Variants in SUGCT observed in about 807,000 individuals in gnomAD.
SUGCT encodes the protein succinyl-CoA:glutarate CoA-transferase.
Under a neutral mutation model 55.0 loss-of-function variants are expected in SUGCT, and 41 were observed. The ratio of observed to expected loss-of-function variants is 0.74; its 90% CI spans 0.58 to 0.97. The LOEUF (loss-of-function observed/expected upper bound fraction) is 0.97. Among genes scored for constraint, SUGCT ranks in the 50% least tolerant of loss-of-function variants. SUGCT has a pLI of 0.00. For synonymous variants in SUGCT, 187 were observed against 200.4 expected (o/e 0.93, Z 0.56); for missense variants, 568 against 547.8 (o/e 1.04, Z -0.37).
chr7:40,684,110 C>A (rs1784367350), intron 12 of SUGCT: 1 of 1,610,652 alleles, frequency 6.2e-7, no homozygotes, highest in Non-Finnish European at 8.5e-7. Flanking sequence ...TGGCCCCTTC[C>A]TTCATCTTCA....
intron 12 of SUGCT, among the ~76,000 whole-genome samples, chr7:40,548,221 T>TTTTATTGTCCAG (rs1795110196): frequency 1.4e-5 from 2 of 145,400 alleles, no homozygotes; most frequent in Non-Finnish European, 3.0e-5. Flanking sequence ...TTAGGTCTCA[T>TTTTATTGTCCAG]TTTATTGTCC....
At chr7:40,772,097 C>G (rs1348727913) in intron 13 of SUGCT, among the ~76,000 whole-genome samples, 1 of 152,158 alleles carries the variant, frequency 6.6e-6, no homozygotes, top group Non-Finnish European at 1.5e-5. Context: ...AAGGAGTAAG[C>G]CAGCTTGCAG....
chr7:40,168,446 C>A (rs920541894), intron 1 of SUGCT, among the ~76,000 whole-genome samples: 6 of 152,162 alleles, frequency 3.9e-5, no homozygotes, highest in African/African-American at 1.2e-4. Context: ...ATTTGAAGAA[C>A]AATTTGTAGT....
intron 9 of SUGCT, among the ~76,000 whole-genome samples, chr7:40,337,997 T>C (rs988231902): frequency 6.6e-6 from 1 of 152,202 alleles, no homozygotes; most frequent in African/African-American, 2.4e-5. Flanking sequence ...TTATTTCTCC[T>C]TCACTTATGA....
In SUGCT at chr7:40,827,231, A is replaced by G. The variant is rs1200946941; in HGVS notation, c.1154-33085A>G. On this transcript the variant is annotated intron_variant, in intron 13 of 13. Transcript: ENST00000335693. ...ACTCAGACCGCTGGGTCAAATGAAA[A>G]CCCATAGTGCAAATGGCAAAGGATC... is the stretch of plus-strand genomic sequence containing the variant. 3.9e-5 allele frequency among the ~76,000 whole-genome samples: 6 copies of G among 152,032 alleles called. No individual in the cohort carries two copies. In the East Asian group the frequency reaches 1.2e-3, roughly 29 times the overall value.
chr7:40,187,175 T>A lies in SUGCT; in HGVS notation c.227-1320T>A, dbSNP rs373320296. On this transcript the variant is annotated intron_variant, in intron 3 of 13. Coordinates refer to ENST00000335693, the MANE Select transcript of SUGCT (RefSeq NM_001193313.2). ...CTGGAAACCATCATTCTCAGCAAAC[T>A]ATCACAAGGACAAAAAACCAAACAC... Among the ~76,000 whole-genome samples the A allele has an allele frequency of 3.9e-3, 594 of 152,222 alleles. 8 individuals are homozygous for A. The highest frequency in any genetic ancestry group is 0.017 in the South Asian group (84 of 4,828).
chr7:40,532,726 G>A (rs1038399149), intron 12 of SUGCT, among the ~76,000 whole-genome samples: 2 of 151,976 alleles, frequency 1.3e-5, no homozygotes, highest in African/African-American at 2.4e-5. Context: ...AATATTAAGA[G>A]GGGATGTTCA....
In SUGCT at chr7:40,303,696, G is replaced by A. The variant is rs1316957281; in HGVS notation, c.721-13064G>A. Reference sequence around the variant, plus strand: ...CCATACCTTACAAAGACCTGTGCAAGTTAGCTTATTGCCTTGTGAGAAAGG... The same window carrying A: ...CCATACCTTACAAAGACCTGTGCAAATTAGCTTATTGCCTTGTGAGAAAGG... On this transcript the variant is annotated intron_variant, in intron 8 of 13. Coordinates refer to ENST00000335693, the MANE Select transcript of SUGCT (RefSeq NM_001193313.2). Among the ~76,000 whole-genome samples the A allele has an allele frequency of 8.5e-5, 13 of 152,156 alleles. 1 individual carries two copies. Among genetic ancestry groups the A allele is most frequent in the Non-Finnish European group, 1.6e-4 (11 of 68,028 alleles).
At chr7:40,157,378 G>C (rs1387586650) in intron 1 of SUGCT, among the ~76,000 whole-genome samples, 2 of 152,198 alleles carry the variant, frequency 1.3e-5, no homozygotes, top group Non-Finnish European at 2.9e-5. Flanking sequence ...TTCTTCTCCT[G>C]TGGTTCAACC....
chr7:40,759,614 C>T (rs1454053381), intron 13 of SUGCT, among the ~76,000 whole-genome samples: 1 of 150,710 alleles, frequency 6.6e-6, no homozygotes, highest in Admixed American at 6.6e-5. Context: ...AAAGTTGAGC[C>T]AAAAAGGGAA....
At position 40,609,848 on chromosome 7, in the gene SUGCT, A is replaced by T. The variant is rs113200713; in HGVS notation, c.1089+113462A>T. On this transcript the variant is annotated intron_variant, in intron 12 of 13. Coordinates refer to ENST00000335693, the MANE Select transcript of SUGCT (RefSeq NM_001193313.2). ...AAAACGCTAAGTGATTTGTTTTTTG[A>T]TTTTTTTTAAGCCAAATCAGAATGC... Among the ~76,000 whole-genome samples, 1,004 of 151,972 alleles carry T rather than the reference A, an allele frequency of 6.6e-3. 10 individuals carry two copies. Among genetic ancestry groups the T allele is most frequent in the African/African-American group, 0.02 (828 of 41,468 alleles).
chr7:40,937,556 G>A, the SUGCT span, among the ~76,000 whole-genome samples: 2 of 151,986 alleles, frequency 1.3e-5, no homozygotes, highest in Non-Finnish European at 2.9e-5. Context: ...GTCACTTTTT[G>A]TTTCATTCTG....
At chr7:41,034,439 G>C in the SUGCT span, among the ~76,000 whole-genome samples, 1 of 152,140 alleles carries the variant, frequency 6.6e-6, no homozygotes, top group South Asian at 2.1e-4. Flanking sequence ...TGAGCCTTAA[G>C]AAAACAAGGC....
chr7:40,207,415 A>T (rs1230737496), intron 6 of SUGCT, among the ~76,000 whole-genome samples: 3 of 152,168 alleles, frequency 2.0e-5, no homozygotes, highest in Non-Finnish European at 2.9e-5. Flanking sequence ...ACCGGGAAAC[A>T]ACAAGTATTG....
intron 13 of SUGCT, among the ~76,000 whole-genome samples, chr7:40,789,879 T>C (rs1790220165): frequency 6.6e-6 from 1 of 152,150 alleles, no homozygotes; most frequent in South Asian, 2.1e-4. Flanking sequence ...TTAACAAATG[T>C]GTGGAGGGGG....
At chr7:41,002,374 T>C in the SUGCT span, among the ~76,000 whole-genome samples, 1 of 152,066 alleles carries the variant, frequency 6.6e-6, no homozygotes, top group Non-Finnish European at 1.5e-5. Context: ...AACAAGCAGG[T>C]CAGTAAATAT....
intron 13 of SUGCT, among the ~76,000 whole-genome samples, chr7:40,819,192 A>G (rs1184698650): frequency 6.6e-6 from 1 of 151,962 alleles, no homozygotes; most frequent in East Asian, 1.9e-4. Context: ...GGTCTTTGCT[A>G]TTGTGAATAG....
intron 6 of SUGCT, among the ~76,000 whole-genome samples, chr7:40,232,669 C>T (rs112650534): frequency 0.019 from 2,889 of 152,212 alleles, 86 homozygotes; most frequent in African/African-American, 0.065. Context: ...CCTCCCTGTA[C>T]GTTTTTACCA....
At chr7:40,304,506 T>C (rs989439793) in intron 8 of SUGCT, among the ~76,000 whole-genome samples, 1 of 151,494 alleles carries the variant, frequency 6.6e-6, no homozygotes, top group African/African-American at 2.4e-5. Flanking sequence ...AGTTCTTTAG[T>C]AGTGATTTCT....
Sources: gnomAD v4.1 joint callset for allele counts (sites outside exome capture counted in the v4.1 genomes callset) on GRCh38, gnomAD v4.1.1 for gene constraint, MANE v1.5 for transcripts, NCBI Gene and HGNC (gene_info 2026-07-23, HGNC 2026-07-21) for gene names.